UFD1: variants seen among roughly 807,000 people sequenced by gnomAD.
UFD1 encodes ubiquitin recognition factor in ER associated degradation 1.
Under a neutral mutation model 45.9 loss-of-function variants are expected in UFD1, and 13 were observed. The ratio of observed to expected loss-of-function variants is 0.28; its 90% CI spans 0.18 to 0.45. The LOEUF is 0.45. Ranked by LOEUF, UFD1 falls within the 20% of genes least tolerant of loss-of-function variation. The probability of loss-of-function intolerance (pLI) is 1.00; values close to 1 mark genes in which losing one functional copy is unlikely to be tolerated. For missense variants in UFD1, 218 were observed against 389.2 expected (o/e 0.56, Z 3.70); for synonymous variants, 128 against 139.2 (o/e 0.92, Z 0.56).
At position 19,468,017 on chromosome 22, in the gene UFD1, G is replaced by A. The variant is rs1274591561; in HGVS notation, c.292-14C>T. The A allele has an allele frequency of 6.2e-7, 1 of 1,613,630 alleles. No individual in the cohort carries two copies. Among genetic ancestry groups the A allele is most frequent in the Admixed American group, 1.7e-5 (1 of 59,950 alleles). On this transcript the variant is annotated splice_polypyrimidine_tract_variant and intron_variant, in intron 4 of 11. Transcript: ENST00000263202. ...GTTCTGCATCATCTGAAAGGAAGAA[G>A]AGGCTACATGAGACTCCTAGAGATG...
In UFD1 at chr22:19,454,730, T is replaced by C. The variant is rs752708647; in HGVS notation, c.849+19A>G. The C allele has an allele frequency of 9.4e-5, 151 of 1,613,428 alleles. No homozygotes were observed. Among genetic ancestry groups the C allele is most frequent in the Non-Finnish European group, 1.2e-4 (146 of 1,179,804 alleles). ...ATCTCCTCATTACCAACCAAGGAAATACAAGGAAATACACTCACCTCTTCA... is the reference window on the plus strand; with the variant it reads ...ATCTCCTCATTACCAACCAAGGAAACACAAGGAAATACACTCACCTCTTCA... On this transcript the variant is annotated intron_variant, in intron 11 of 11. Transcript: ENST00000263202.
chr22:19,467,983 C>T lies in UFD1; in HGVS notation c.312G>A (p.Leu104=). The T allele has an allele frequency of 6.2e-7, 1 of 1,614,078 alleles. No homozygotes were observed. Among genetic ancestry groups the T allele is most frequent in the African/African-American group, 1.3e-5 (1 of 75,012 alleles). Residue 104 remains leucine (L), a synonymous_variant, in exon 5 of 12, where the codon TTG becomes TTA. Transcript: ENST00000263202. ...LPHWMMQNLL[L]EEGGLVQVES... is the part of the protein sequence containing the mutation. ...CCACCTGGACCAGGCCGCCTTCTTC[C>T]AAGAGTAAGTTCTGCATCATCTGAA...
At chr22:19,473,755 T>C (rs1346992177) in intron 3 of UFD1, among the ~76,000 whole-genome samples, 3 of 152,126 alleles carry the variant, frequency 2.0e-5, no homozygotes, top group African/African-American at 7.2e-5. Flanking sequence ...ACTGTAGATA[T>C]CCCCAATTAA....
chr22:19,454,739 A>G lies in UFD1; in HGVS notation c.849+10T>C, dbSNP rs1486461998. On this transcript the variant is annotated intron_variant, in intron 11 of 11. Transcript: ENST00000263202. ...TTACCAACCAAGGAAATACAAGGAA[A>G]TACACTCACCTCTTCAACCTTTTTG... The G allele has an allele frequency of 1.2e-6, 2 of 1,614,028 alleles. No homozygotes were observed. Among genetic ancestry groups the G allele is most frequent in the South Asian group, 2.2e-5 (2 of 91,078 alleles).
At chr22:19,473,336 A>C (rs1269601175) in intron 3 of UFD1, among the ~76,000 whole-genome samples, 1 of 152,222 alleles carries the variant, frequency 6.6e-6, no homozygotes, top group African/African-American at 2.4e-5. Flanking sequence ...TCTCCAAAAA[A>C]AGCAGAGAAC....
chr22:19,471,477 A>C, intron 4 of UFD1: 1 of 787,836 alleles, frequency 1.3e-6, no homozygotes, highest in Non-Finnish European at 2.2e-6. Flanking sequence ...CCCACAGCAC[A>C]GTGGCCCACA....
rs2089794570 is a variant in UFD1, at chr22:19,465,336, C to T, written c.423-62G>A. ...GGATACCTTAATCTGAAACAAGTTT[C>T]CATGTTAGATGATTACTGGTAGGTA... On this transcript the variant is annotated intron_variant, in intron 5 of 11. Coordinates refer to ENST00000263202, the MANE Select transcript of UFD1 (RefSeq NM_005659.7). 2.1e-5 allele frequency: 30 copies of T among 1,444,786 alleles called. No individual in the cohort carries two copies. The South Asian group carries it at 3.4e-4, about 17-fold the overall frequency. 89.5% of individuals were successfully genotyped at this position (1,444,786 alleles called of 1,614,324 possible).
intron 4 of UFD1, chr22:19,470,901 CCACAGCT>C (rs1281417637): frequency 2.2e-6 from 1 of 449,510 alleles, no homozygotes; most frequent in African/African-American, 2.0e-5. Flanking sequence ...AGTTTCCAGC[CCACAGCT>C]CACTGCGGGG....
At chr22:19,473,937 TCA>T (rs919674188) in intron 3 of UFD1, among the ~76,000 whole-genome samples, 1 of 152,090 alleles carries the variant, frequency 6.6e-6, no homozygotes, top group Admixed American at 6.5e-5. Flanking sequence ...GTCTCCTGCC[TCA>T]CACAGGAAGA....
chr22:19,473,685 G>A (rs1295082842), intron 3 of UFD1, among the ~76,000 whole-genome samples: 1 of 152,220 alleles, frequency 6.6e-6, no homozygotes, highest in East Asian at 1.9e-4. Context: ...CCTCCACCTT[G>A]TGGTTGGAAT....
intron 6 of UFD1, among the ~76,000 whole-genome samples, chr22:19,459,164 T>G (rs1014584933): frequency 5.3e-5 from 8 of 152,256 alleles, no homozygotes; most frequent in African/African-American, 1.9e-4. Context: ...AGGGACTGTC[T>G]GTATACTCAA....
At chr22:19,477,116 T>C (rs530289818) in intron 1 of UFD1, among the ~76,000 whole-genome samples, 1 of 152,092 alleles carries the variant, frequency 6.6e-6, no homozygotes, top group Non-Finnish European at 1.5e-5. Flanking sequence ...TATGTGAATG[T>C]GGTTTCTATT....
At chr22:19,457,022 G>A (rs1438283794) in intron 7 of UFD1, 104 bp from the exon 8 acceptor site, 5 of 796,252 alleles carry the variant, frequency 6.3e-6, no homozygotes, top group South Asian at 1.5e-5. Flanking sequence ...GCAGTTTTAA[G>A]AAATAATACA....
intron 5 of UFD1, 93 bp downstream of exon 5, chr22:19,467,780 A>C (rs2089813891): frequency 3.9e-6 from 6 of 1,535,318 alleles, no homozygotes; most frequent in Non-Finnish European, 5.3e-6. Flanking sequence ...TGATCCCCAA[A>C]GCAGGCACAG....
chr22:19,465,559 A>C, intron 5 of UFD1: 1 of 398,460 alleles, frequency 2.5e-6, no homozygotes. Flanking sequence ...TGGAACCCTG[A>C]GAAAGACAGA....
At chr22:19,479,059 C>T in intron 1 of UFD1, 24 bp downstream of exon 1, 1 of 1,610,282 alleles carries the variant, frequency 6.2e-7, no homozygotes, top group Non-Finnish European at 8.5e-7. Context: ...GCCCAGCCCC[C>T]GCCCGCTGCC....
Position 19,467,893 on chromosome 22 carries a change from G to A in UFD1, c.402C>T (p.Asp134=), listed in dbSNP as rs1347667630. ...KFQPQSPDFL[D]ITNPKAVLEN... ...GATACACGGCTTTGGGGTTGGTGAT[G>A]TCCAGGAAGTCAGGGCTCTGAGGTT... Residue 134 remains aspartate (D), a synonymous_variant, in exon 5 of 12, where the codon GAC becomes GAT. Coordinates refer to ENST00000263202, the MANE Select transcript of UFD1 (RefSeq NM_005659.7). 6.2e-7 allele frequency: 1 copy of A among 1,614,188 alleles called. No homozygotes were observed.
intron 4 of UFD1, among the ~76,000 whole-genome samples, chr22:19,471,026 G>A (rs1009852192): frequency 1.3e-5 from 2 of 152,212 alleles, no homozygotes; most frequent in Non-Finnish European, 2.9e-5. Context: ...GGAGAAGAAG[G>A]AGCCAAGTGG....
At chr22:19,455,808 G>A (rs940609673) in intron 9 of UFD1, 40 bp from the exon 10 acceptor site, 50 of 1,581,952 alleles carry the variant, frequency 3.2e-5, no homozygotes, top group Non-Finnish European at 4.0e-5. Flanking sequence ...AAGCCCAAGT[G>A]TGAGGACGAT....
Sources: allele counts gnomAD v4.1 joint callset (sites outside exome capture counted in the v4.1 genomes callset), GRCh38; gene constraint gnomAD v4.1.1; transcripts MANE v1.5; gene names NCBI Gene and HGNC (gene_info 2026-07-23, HGNC 2026-07-21).